Variants in PAX5 observed in about 807,000 individuals in gnomAD.
The protein encoded by PAX5 is paired box 5.
In PAX5, 9 loss-of-function variants were observed where a neutral mutation model predicts 43.7. The ratio of observed to expected loss-of-function variants is 0.21; its 90% CI spans 0.12 to 0.36. The LOEUF (loss-of-function observed/expected upper bound fraction) is 0.36. PAX5 is among the 10% of genes least tolerant of loss of function. The probability of loss-of-function intolerance (pLI) is 1.00; values close to 1 mark genes in which losing one functional copy is unlikely to be tolerated. For missense variants in PAX5, 383 were observed against 532.7 expected (o/e 0.72, Z 2.77); for synonymous variants, 228 against 214.3 (o/e 1.06, Z -0.56).
chr9:36,952,786 A>G (rs1198298590), intron 6 of PAX5, among the ~76,000 whole-genome samples: 1 of 152,190 alleles, frequency 6.6e-6, no homozygotes. Flanking sequence ...CCCTTAGGAC[A>G]TTGCTGCCAT....
chr9:36,978,534 A>C (rs1835645317), intron 5 of PAX5, among the ~76,000 whole-genome samples: 1 of 151,016 alleles, frequency 6.6e-6, no homozygotes, highest in East Asian at 2.0e-4. Flanking sequence ...AAAAGGGTTT[A>C]AAAATCATAT....
At chr9:36,901,682 C>A (rs1025330360) in intron 7 of PAX5, among the ~76,000 whole-genome samples, 6 of 152,118 alleles carry the variant, frequency 3.9e-5, no homozygotes, top group Non-Finnish European at 1.5e-5. Flanking sequence ...TCCGACCCCA[C>A]GCCCTAAACA....
chr9:36,909,066 T>C (rs1829042327), intron 7 of PAX5, among the ~76,000 whole-genome samples: 1 of 152,252 alleles, frequency 6.6e-6, no homozygotes, highest in Admixed American at 6.5e-5. Context: ...ATCGGACCTC[T>C]GGCACCTCTG....
intron 5 of PAX5, among the ~76,000 whole-genome samples, chr9:36,968,985 T>A (rs371166425): frequency 6.6e-6 from 1 of 152,204 alleles, no homozygotes; most frequent in Non-Finnish European, 1.5e-5. Context: ...TACTCAGCTG[T>A]GGCTCTGCCC....
At chr9:36,995,559 G>A (rs117617931) in intron 5 of PAX5, among the ~76,000 whole-genome samples, 309 of 152,324 alleles carry the variant, frequency 2.0e-3, no homozygotes, top group Non-Finnish European at 3.4e-3. Flanking sequence ...TGTGAGAATG[G>A]AGGAAAGGAG....
chr9:36,931,828 G>A (rs1433204860), intron 6 of PAX5, among the ~76,000 whole-genome samples: 4 of 146,964 alleles, frequency 2.7e-5, no homozygotes, highest in African/African-American at 1.0e-4. Context: ...TCCAGCCTGG[G>A]CAACAGAGTG....
intron 8 of PAX5, among the ~76,000 whole-genome samples, chr9:36,860,576 A>G (rs1388639543): frequency 6.6e-6 from 1 of 152,212 alleles, no homozygotes; most frequent in Non-Finnish European, 1.5e-5. Flanking sequence ...ATGAAGCAGA[A>G]TCTGCTCTCT....
At chr9:36,973,156 A>T (rs1453860344) in intron 5 of PAX5, among the ~76,000 whole-genome samples, 1 of 95,978 alleles carries the variant, frequency 1.0e-5, no homozygotes, top group Non-Finnish European at 2.4e-5. Context: ...AAAGGAAAGG[A>T]AAGGAAAGGA....
chr9:36,994,133 C>T (rs1332904903), intron 5 of PAX5, among the ~76,000 whole-genome samples: 1 of 152,192 alleles, frequency 6.6e-6, no homozygotes, highest in Non-Finnish European at 1.5e-5. Context: ...GCCCCAGGAG[C>T]CCCTCCAATT....
intron 5 of PAX5, among the ~76,000 whole-genome samples, chr9:36,997,709 C>T (rs547977620): frequency 1.3e-5 from 2 of 152,246 alleles, no homozygotes; most frequent in South Asian, 4.1e-4. Flanking sequence ...AGCGACATCT[C>T]ATAACTGGGT....
chr9:36,842,307 G>A (rs777872193), intron 9 of PAX5, among the ~76,000 whole-genome samples: 2 of 152,186 alleles, frequency 1.3e-5, no homozygotes, highest in Non-Finnish European at 2.9e-5. Context: ...AGAGGAAGGC[G>A]GGTGTGTGTG....
chr9:36,943,095 A>G (rs1169050532), intron 6 of PAX5, among the ~76,000 whole-genome samples: 2 of 152,018 alleles, frequency 1.3e-5, no homozygotes, highest in African/African-American at 4.8e-5. Flanking sequence ...AAATCCAGCT[A>G]TTCTCCATCT....
intron 4 of PAX5, among the ~76,000 whole-genome samples, chr9:37,004,325 T>A (rs1359008403): frequency 6.6e-6 from 1 of 152,248 alleles, no homozygotes. Context: ...ACAGCTGAAT[T>A]GCCATTTCTG....
intron 8 of PAX5, among the ~76,000 whole-genome samples, chr9:36,874,579 G>GGCCCAGCCC (rs1412847032): frequency 1.3e-5 from 2 of 152,318 alleles, no homozygotes; most frequent in African/African-American, 4.8e-5. Flanking sequence ...AGCACACATG[G>GGCCCAGCCC]TTCCCAGCCC....
chr9:36,855,575 G>T (rs1823584458), intron 8 of PAX5, among the ~76,000 whole-genome samples: 1 of 152,218 alleles, frequency 6.6e-6, no homozygotes, highest in Admixed American at 6.5e-5. Flanking sequence ...GGGGAGGGGG[G>T]TACTGCAGTG....
chr9:36,907,358 C>G (rs766715624), intron 7 of PAX5, among the ~76,000 whole-genome samples: 1 of 152,166 alleles, frequency 6.6e-6, no homozygotes, highest in African/African-American at 2.4e-5. Flanking sequence ...GCTTCCTCCC[C>G]GTGGCTTCCC....
intron 6 of PAX5, among the ~76,000 whole-genome samples, chr9:36,961,897 A>T (rs1176222901): frequency 6.6e-6 from 1 of 152,070 alleles, no homozygotes; most frequent in Non-Finnish European, 1.5e-5. Context: ...ATTTTTACTC[A>T]CTCCATATGT....
At chr9:37,026,567 T>A (rs1486575180) in intron 1 of PAX5, 7 of 1,341,132 alleles carry the variant, frequency 5.2e-6, no homozygotes, top group Non-Finnish European at 4.9e-6. Flanking sequence ...GCTTACAGTG[T>A]ATTTCCATCG....
At chr9:36,912,838 C>T (rs569934686) in intron 7 of PAX5, among the ~76,000 whole-genome samples, 146 of 152,356 alleles carry the variant, frequency 9.6e-4, no homozygotes, top group African/African-American at 3.5e-3. Context: ...TCCCCCTCCT[C>T]CCACTGGCTC....
Sources: allele counts gnomAD v4.1 joint callset (sites outside exome capture counted in the v4.1 genomes callset), GRCh38; gene constraint gnomAD v4.1.1; transcripts MANE v1.5; gene names NCBI Gene and HGNC (gene_info 2026-07-23, HGNC 2026-07-21).